The following DLG4 variants were observed in gnomAD, a reference collection of about 807,000 sequenced individuals.
The protein encoded by DLG4 is disks large homolog 4.
A neutral mutation model predicts 93.8 loss-of-function variants in DLG4; 7 were observed. The ratio of observed to expected loss-of-function variants is 0.07; its 90% CI spans 0.04 to 0.14. The LOEUF (loss-of-function observed/expected upper bound fraction) is 0.14, where lower values mean the gene tolerates loss of function less well. Ranked by LOEUF, DLG4 falls within the 10% of genes least tolerant of loss-of-function variation. The probability of loss-of-function intolerance (pLI) is 1.00; values close to 1 mark genes in which losing one functional copy is unlikely to be tolerated. For missense variants in DLG4, 545 were observed against 992.9 expected, an observed-to-expected ratio of 0.55 and a Z score of 6.06; for synonymous variants, 341 against 387.6, an observed-to-expected ratio of 0.88 and a Z score of 1.41.
intron 3 of DLG4, 43 bp from the exon 4 acceptor site, chr17:7,204,110 T>C: frequency 1.9e-6 from 3 of 1,601,460 alleles, no homozygotes; most frequent in Non-Finnish European, 2.6e-6. Context: ...CAGACATTCC[T>C]GTCTGACCAC....
At position 7,194,063 on chromosome 17, in the gene DLG4, C is replaced by G; in HGVS notation, c.1479-63G>C. 6.3e-7 allele frequency: 1 copy of G among 1,581,322 alleles called. No individual in the cohort carries two copies. Among genetic ancestry groups the G allele is most frequent in the Non-Finnish European group, 8.6e-7 (1 of 1,163,046 alleles). On this transcript the variant is annotated intron_variant, in intron 12 of 19. Coordinates refer to ENST00000399506, the MANE Select transcript of DLG4 (RefSeq NM_001321075.3). The surrounding 1 kb of genome is among the most constrained non-coding windows in gnomAD (Gnocchi z 4.4). Reference sequence around the variant, plus strand: ...GCCTACCCCCTGCCACCCCCATGCTCTGAGCCAGCTGACAACCCCTTCTCC... The same window carrying G: ...GCCTACCCCCTGCCACCCCCATGCTGTGAGCCAGCTGACAACCCCTTCTCC...
intron 2 of DLG4, chr17:7,204,971 A>G (rs910429429): frequency 2.0e-6 from 2 of 985,536 alleles, no homozygotes; most frequent in Non-Finnish European, 2.4e-6. Context: ...TCGTCAGGAC[A>G]ACAGGGGGGT....
intron 1 of DLG4, among the ~76,000 whole-genome samples, chr17:7,216,722 G>A (rs2070933050): frequency 6.6e-6 from 1 of 151,846 alleles, no homozygotes; most frequent in South Asian, 2.1e-4. Context: ...CAAGGCCCTT[G>A]GAAGCCAGCT....
Position 7,217,156 on chromosome 17 carries a change from G to C in DLG4, c.-9C>G. The C allele has an allele frequency of 7.8e-7, 1 of 1,289,562 alleles. No individual in the cohort carries two copies. Among genetic ancestry groups the C allele is most frequent in the South Asian group, 3.1e-5 (1 of 32,702 alleles). The allele number at this position is 1,289,562 out of a possible 1,614,324, so 79.9% of individuals were successfully genotyped here. ...ATACAGAGACAGTCCATGTTGGGGG[G>C]CCTGGCCGCGGCGGCGGGTAAGGGG... On this transcript the variant is annotated 5_prime_UTR_variant, in exon 1 of 20. Coordinates refer to ENST00000399506, the MANE Select transcript of DLG4 (RefSeq NM_001321075.3).
Position 7,202,101 on chromosome 17 carries a change from C to T in DLG4, c.787+802G>A, listed in dbSNP as rs71370487. ...ATTTAAGATAATCACATCGTTTTCTCCTCTCGCTCTGTCACCCAGTCTGGT... is the reference window on the plus strand; with the variant it reads ...ATTTAAGATAATCACATCGTTTTCTTCTCTCGCTCTGTCACCCAGTCTGGT... On this transcript the variant is annotated intron_variant, in intron 8 of 19. Transcript: ENST00000399506. Among the ~76,000 whole-genome samples, 582 of 152,288 alleles carry T rather than the reference C, an allele frequency of 3.8e-3. 1 individual carries two copies. The highest frequency in any genetic ancestry group is 6.3e-3 in the Non-Finnish European group (428 of 68,018).
chr17:7,209,126 A>G (rs2070611302), intron 1 of DLG4, among the ~76,000 whole-genome samples: 2 of 152,148 alleles, frequency 1.3e-5, no homozygotes, highest in Admixed American at 6.5e-5. Flanking sequence ...TGAGCCTCAG[A>G]GTGAATTTCT....
intron 1 of DLG4, chr17:7,213,811 T>C (rs1046847475): frequency 2.1e-5 from 10 of 471,050 alleles, no homozygotes; most frequent in South Asian, 4.6e-5. Flanking sequence ...CCAAGCGAGA[T>C]TGACCCCGTT....
intron 1 of DLG4, among the ~76,000 whole-genome samples, chr17:7,210,467 A>G (rs1485678929): frequency 6.6e-6 from 1 of 152,228 alleles, no homozygotes; most frequent in East Asian, 1.9e-4. Flanking sequence ...CACAAAAAGT[A>G]GAGAAGGAAA....
intron 1 of DLG4, among the ~76,000 whole-genome samples, chr17:7,210,481 G>A (rs2070664405): frequency 6.6e-6 from 1 of 152,174 alleles, no homozygotes; most frequent in African/African-American, 2.4e-5. Context: ...AAGGAAAATA[G>A]GAGAACACAC....
At chr17:7,219,084 G>A (rs917835776), upstream of DLG4, 4 of 590,790 alleles carry the variant, frequency 6.8e-6, no homozygotes, top group African/African-American at 7.5e-5. Context: ...AGCAAAGAGG[G>A]CCTCCTCACA....
chr17:7,193,953 C>T lies in DLG4; in HGVS notation c.1515+11G>A, dbSNP rs372076014. On this transcript the variant is annotated intron_variant, in intron 13 of 19. Transcript: ENST00000399506. The surrounding 1 kb of genome is among the most constrained non-coding windows in gnomAD (Gnocchi z 6.7). ...ACACTTCCACCCAGGCTCACACCCTCCTCCACCTACCTTGGCCTTTAACCT... is the reference window on the plus strand; with the variant it reads ...ACACTTCCACCCAGGCTCACACCCTTCTCCACCTACCTTGGCCTTTAACCT... 1.9e-6 allele frequency: 3 copies of T among 1,613,718 alleles called. No homozygotes were observed. Among genetic ancestry groups the T allele is most frequent in the Non-Finnish European group, 2.5e-6 (3 of 1,179,842 alleles).
chr17:7,206,816 C>T (rs944492322), intron 2 of DLG4, among the ~76,000 whole-genome samples: 2 of 152,112 alleles, frequency 1.3e-5, no homozygotes, highest in Non-Finnish European at 2.9e-5. Context: ...GGCTCAGAGA[C>T]CTCCTCCCCA....
At position 7,193,084 on chromosome 17, in the gene DLG4, T is replaced by C; in HGVS notation, c.1727A>G (p.Asp576Gly). 6.2e-7 allele frequency: 1 copy of C among 1,613,762 alleles called. No individual in the cohort carries two copies. Among genetic ancestry groups the C allele is most frequent in the Non-Finnish European group, 8.5e-7 (1 of 1,179,768 alleles). Residue 576 changes from aspartate to glycine, a missense_variant, in exon 17 of 20, where the codon GAT (aspartate) becomes GGT (glycine). Transcript: ENST00000399506. The surrounding 1 kb of genome is among the most constrained non-coding windows in gnomAD (Gnocchi z 6.7). Reference sequence around the variant, plus strand: ...CGACACAAAGTGGTAATCCCGGCCATCTATCTCATACTCCCGCTTGGGCCG... The same window carrying C: ...CGACACAAAGTGGTAATCCCGGCCACCTATCTCATACTCCCGCTTGGGCCG... The part of the protein sequence containing the change: ...TTRPKREYEI[D>G]GRDYHFVSSR...
In DLG4 at chr17:7,203,936, C is replaced by T; in HGVS notation, c.210+72G>A. The T allele has an allele frequency of 6.3e-7, 1 of 1,589,596 alleles. No individual in the cohort carries two copies. Among genetic ancestry groups the T allele is most frequent in the Admixed American group, 1.8e-5 (1 of 55,790 alleles). On this transcript the variant is annotated intron_variant, in intron 4 of 19. Coordinates refer to ENST00000399506, the MANE Select transcript of DLG4 (RefSeq NM_001321075.3). The surrounding 1 kb of genome is among the most constrained non-coding windows in gnomAD (Gnocchi z 7.2). ...AAGGCACAGGGTGAGGGGCTAGCCACCCAGACCACATGGCAGAAAGAAAGG... is the reference window on the plus strand; with the variant it reads ...AAGGCACAGGGTGAGGGGCTAGCCATCCAGACCACATGGCAGAAAGAAAGG...
At chr17:7,217,667 C>T, upstream of DLG4, 3 of 1,437,584 alleles carry the variant, frequency 2.1e-6, no homozygotes, top group South Asian at 2.5e-5. Flanking sequence ...AGCTAGGAGC[C>T]AGAATGGGGG....
rs111910848 is a variant in DLG4, at chr17:7,187,459, T to C, written c.*3249A>G. On this transcript the variant is annotated 3_prime_UTR_variant, in exon 20 of 20. Coordinates refer to ENST00000399506, the MANE Select transcript of DLG4 (RefSeq NM_001321075.3). ...TACTCGGGAGGCTGAGGCAGGAGAATAGCTTGAATCCGGAAGGCAGAGGTT... is the reference window on the plus strand; with the variant it reads ...TACTCGGGAGGCTGAGGCAGGAGAACAGCTTGAATCCGGAAGGCAGAGGTT... Among the ~76,000 whole-genome samples, 1,882 of 151,726 alleles carry C rather than the reference T, an allele frequency of 0.012. 31 individuals are homozygous for C. The highest frequency in any genetic ancestry group is 0.092 in the Middle Eastern group (27 of 292).
intron 2 of DLG4, among the ~76,000 whole-genome samples, chr17:7,206,298 T>C (rs187486886): frequency 6.6e-6 from 1 of 152,198 alleles, no homozygotes; most frequent in African/African-American, 2.4e-5. Flanking sequence ...CATTCTCCCT[T>C]ACCCTACCTT....
At position 7,208,438 on chromosome 17, in the gene DLG4, C is replaced by A. The variant is rs2070580692; in HGVS notation, c.31-199G>T. ...CCAACAGCCCCCTCTCCCGCCAGGG[C>A]CTCAGCACCTCTCATCAATCCCCAG... On this transcript the variant is annotated intron_variant, in intron 1 of 19. Coordinates refer to ENST00000399506, the MANE Select transcript of DLG4 (RefSeq NM_001321075.3). The surrounding 1 kb of genome is among the most constrained non-coding windows in gnomAD (Gnocchi z 5.4). Among the ~76,000 whole-genome samples, 5 of 151,990 alleles carry A rather than the reference C, an allele frequency of 3.3e-5. No individual in the cohort carries two copies. The highest frequency in any genetic ancestry group is 3.3e-4 in the Admixed American group (5 of 15,264).
At chr17:7,219,997 C>A, upstream of DLG4, 1 of 1,603,212 alleles carries the variant, frequency 6.2e-7, no homozygotes, top group South Asian at 1.1e-5. Flanking sequence ...GCAGGCGGCT[C>A]GGATGGCCGC....
Sources: allele counts gnomAD v4.1 joint callset (sites outside exome capture counted in the v4.1 genomes callset), GRCh38; gene constraint gnomAD v4.1.1; non-coding constraint Gnocchi (gnomAD v3.1); transcripts MANE v1.5; gene names NCBI Gene and HGNC (gene_info 2026-07-23, HGNC 2026-07-21).